PCED1B: variants seen among roughly 807,000 people sequenced by gnomAD.
The protein encoded by PCED1B is PC-esterase domain-containing protein 1B.
For missense variants in PCED1B, 573 were observed against 573.9 expected, an observed-to-expected ratio of 1.00 and a Z score of 0.02; for synonymous variants, 251 against 246.1, an observed-to-expected ratio of 1.02 and a Z score of -0.19.
rs141184630 is a variant in PCED1B at position 47,148,125 on chromosome 12, G to A, written c.-526+43930G>A. ...AAGGCAGAAGAGCAAATGAGGGCAA[G>A]AGCAACAAACAGACGGGACCAAACT... is the stretch of plus-strand genomic sequence containing the variant. On this transcript the variant is annotated intron_variant, in intron 2 of 3. Coordinates refer to ENST00000546455, the MANE Select transcript of PCED1B (RefSeq NM_138371.3). Among the ~76,000 whole-genome samples, 67 of 152,320 alleles carry A rather than the reference G, an allele frequency of 4.4e-4. No homozygotes were observed. The East Asian group carries it at 0.012, about 27-fold the overall frequency.
chr12:47,112,851 T>C (rs993515606), intron 2 of PCED1B, among the ~76,000 whole-genome samples: 1 of 152,280 alleles, frequency 6.6e-6, no homozygotes, highest in Middle Eastern at 3.4e-3. Flanking sequence ...TAAAGTTTCA[T>C]TTTTACAGTA....
intron 2 of PCED1B, among the ~76,000 whole-genome samples, chr12:47,137,471 TC>T (rs1464513711): frequency 6.6e-6 from 1 of 152,206 alleles, no homozygotes; most frequent in Non-Finnish European, 1.5e-5. Context: ...CTAAGATGTT[TC>T]TATCCTAATT....
chr12:47,180,797 CAGA>C (rs894562738), intron 2 of PCED1B, among the ~76,000 whole-genome samples: 21 of 152,092 alleles, frequency 1.4e-4, no homozygotes, highest in Non-Finnish European at 2.8e-4. Flanking sequence ...AGACACTTCT[CAGA>C]AGAAGACATT....
chr12:47,218,079 T>C (rs1943356507), intron 3 of PCED1B, among the ~76,000 whole-genome samples: 1 of 152,222 alleles, frequency 6.6e-6, no homozygotes, highest in Non-Finnish European at 1.5e-5. Context: ...AGCGAACATC[T>C]GTAGAGTTTA....
At chr12:47,172,451 G>T (rs1300370624) in intron 2 of PCED1B, among the ~76,000 whole-genome samples, 1 of 149,994 alleles carries the variant, frequency 6.7e-6, no homozygotes, top group Non-Finnish European at 1.5e-5. Flanking sequence ...ACTCCAGCCT[G>T]GGTGACAGGG....
intron 2 of PCED1B, among the ~76,000 whole-genome samples, chr12:47,182,284 G>A (rs1942118523): frequency 6.6e-6 from 1 of 152,132 alleles, no homozygotes; most frequent in Non-Finnish European, 1.5e-5. Context: ...CTACAGTATT[G>A]AGAGAGCTAG....
At chr12:47,119,060 T>C (rs572100142) in intron 2 of PCED1B, among the ~76,000 whole-genome samples, 1 of 152,270 alleles carries the variant, frequency 6.6e-6, no homozygotes, top group African/African-American at 2.4e-5. Context: ...TGGAATAGAA[T>C]TGAGAGTCTA....
intron 2 of PCED1B, among the ~76,000 whole-genome samples, chr12:47,114,171 G>A (rs577675838): frequency 6.6e-6 from 1 of 152,286 alleles, no homozygotes; most frequent in Admixed American, 6.5e-5. Context: ...TCAGAATTCA[G>A]ATTCAGCACA....
At chr12:47,081,796 A>C (rs538463239) in intron 1 of PCED1B, among the ~76,000 whole-genome samples, 1 of 152,370 alleles carries the variant, frequency 6.6e-6, no homozygotes, top group East Asian at 1.9e-4. Context: ...TAAGGAAACC[A>C]TGAAGGCAGA....
Position 47,235,889 on chromosome 12 carries a change from G to A in PCED1B, c.826G>A (p.Glu276Lys), listed in dbSNP as rs776179854. The A allele has an allele frequency of 1.9e-5, 31 of 1,595,028 alleles. No homozygotes were observed. Among genetic ancestry groups the A allele is most frequent in the Non-Finnish European group, 2.6e-5 (30 of 1,171,168 alleles). Reference sequence around the variant, plus strand: ...GAAGAAAAAACCTGGCCCGAGAGTCGAAGGGCCGCCCCAGGCCAACAGAAA... The same window carrying A: ...GAAGAAAAAACCTGGCCCGAGAGTCAAAGGGCCGCCCCAGGCCAACAGAAA... ...IKKKKPGPRV[E>K]GPPQANRNHP... Residue 276 changes from glutamate to lysine, a missense_variant, in exon 4 of 4, where the codon GAA becomes AAA. By Grantham distance (56) the Glu-to-Lys change is moderately conservative. Coordinates refer to ENST00000546455, the MANE Select transcript of PCED1B (RefSeq NM_138371.3).
intron 2 of PCED1B, among the ~76,000 whole-genome samples, chr12:47,131,048 GT>G (rs1427162490): frequency 6.6e-6 from 1 of 152,174 alleles, no homozygotes; most frequent in Non-Finnish European, 1.5e-5. Flanking sequence ...GCCAAAAACA[GT>G]TTTTAAAAAC....
chr12:47,200,452 G>A (rs1397746219), intron 2 of PCED1B, among the ~76,000 whole-genome samples: 1 of 152,204 alleles, frequency 6.6e-6, no homozygotes, highest in Non-Finnish European at 1.5e-5. Flanking sequence ...CCAAATGCTG[G>A]TGAGGATGTG....
chr12:47,169,264 G>T (rs1941640672), intron 2 of PCED1B, among the ~76,000 whole-genome samples: 1 of 152,162 alleles, frequency 6.6e-6, no homozygotes, highest in South Asian at 2.1e-4. Context: ...ACTTAGCAAG[G>T]CCTATTTGTT....
chr12:47,205,321 C>A (rs1942880075), intron 2 of PCED1B, among the ~76,000 whole-genome samples: 1 of 152,126 alleles, frequency 6.6e-6, no homozygotes, highest in African/African-American at 2.4e-5. Flanking sequence ...ACCTCAAGCA[C>A]TGATCTTAGG....
At chr12:47,088,758 C>T (rs1592127126) in intron 1 of PCED1B, among the ~76,000 whole-genome samples, 1 of 152,158 alleles carries the variant, frequency 6.6e-6, no homozygotes, top group East Asian at 1.9e-4. Context: ...GATGAGTCTG[C>T]TCACAGGCGT....
chr12:47,107,334 G>T (rs192098185), intron 2 of PCED1B, among the ~76,000 whole-genome samples: 1 of 152,120 alleles, frequency 6.6e-6, no homozygotes. Flanking sequence ...TGCCTCTCCC[G>T]GCATGTCTGT....
chr12:47,118,533 C>T (rs11183744), intron 2 of PCED1B, among the ~76,000 whole-genome samples: 32,657 of 151,670 alleles, frequency 0.22, 4,408 homozygotes, highest in Non-Finnish European at 0.31. Flanking sequence ...GGGCTCTGTT[C>T]TGTTCCATTG....
chr12:47,212,467 A>G (rs1264102180), intron 2 of PCED1B, among the ~76,000 whole-genome samples: 2 of 152,224 alleles, frequency 1.3e-5, no homozygotes, highest in Non-Finnish European at 2.9e-5. Flanking sequence ...CTATGAGTCC[A>G]GGACCCAGGA....
chr12:47,144,780 CGTT>C (rs1023008432), intron 2 of PCED1B, among the ~76,000 whole-genome samples: 3 of 152,202 alleles, frequency 2.0e-5, no homozygotes, highest in Admixed American at 6.5e-5. Flanking sequence ...AATCAACAAA[CGTT>C]GTGTGTGTTC....
Sources: allele counts gnomAD v4.1 joint callset (sites outside exome capture counted in the v4.1 genomes callset), GRCh38; gene constraint gnomAD v4.1.1; transcripts MANE v1.5; gene names NCBI Gene and HGNC (gene_info 2026-07-23, HGNC 2026-07-21).